The following HELB variants were observed in gnomAD, a reference collection of about 807,000 sequenced individuals.
The protein encoded by HELB is DNA helicase B.
A neutral mutation model predicts 101.7 loss-of-function variants in HELB; 96 were observed. The observed-to-expected ratio is 0.94, with a 90% CI of 0.80 to 1.12. HELB has a LOEUF of 1.12. HELB is among the 50% of genes most tolerant of loss of function. The probability of loss-of-function intolerance (pLI) is 0.00; values close to 1 mark genes in which losing one functional copy is unlikely to be tolerated. For missense variants in HELB, 1,210 were observed against 1,291.9 expected, an observed-to-expected ratio of 0.94 and a Z score of 0.97; for synonymous variants, 437 against 459.7, an observed-to-expected ratio of 0.95 and a Z score of 0.63.
At position 66,306,436 on chromosome 12, in the gene HELB, A is replaced by G; in HGVS notation, c.699A>G (p.Ile233Met). The change falls in exon 3 of 13, where the codon ATA (isoleucine) becomes ATG (methionine). Residue 233 changes from isoleucine (I) to methionine (M), a missense_variant. Around this residue, in one of 2 missense-constraint regions of HELB, gnomAD observed 470 missense variants for 563.1 expected, o/e 0.83. Transcript: ENST00000247815. ...VLLPRHFKWI[I>M]GSGSKEMLKE... is the part of the protein sequence containing the mutation. ...TGCCTCGACACTTTAAATGGATCAT[A>G]GGGTCAGGTTCTAAAGAGATGTTGA... 6.2e-7 allele frequency: 1 copy of G among 1,610,532 alleles called. No individual in the cohort carries two copies. The highest frequency in any genetic ancestry group is 8.5e-7 in the Non-Finnish European group (1 of 1,178,302).
intron 7 of HELB, among the ~76,000 whole-genome samples, chr12:66,319,349 ATCT>A (rs2137002424): frequency 6.6e-6 from 1 of 152,076 alleles, no homozygotes; most frequent in South Asian, 2.1e-4. Context: ...GGGACAGGAA[ATCT>A]TCTCCTTTAT....
chr12:66,315,379 A>T lies in HELB; in HGVS notation c.1996A>T (p.Thr666Ser). 30 of 1,582,178 alleles carry T rather than the reference A, an allele frequency of 1.9e-5. No homozygotes were observed. The highest frequency in any genetic ancestry group is 2.4e-5 in the Non-Finnish European group (28 of 1,167,552). The stretch of plus-strand genomic sequence containing the variant: ...ATCTCAGCTCATTGTGGACAATGCT[A>T]CAAGGTATAATATTACTAAGAGTTT... ...AESQLIVDNA[T>S]RISRRQFPKF... The change falls in exon 6 of 13, where the codon ACA becomes TCA. Residue 666 changes from threonine (T) to serine (S), a missense_variant. Around this residue, in one of 2 missense-constraint regions of HELB, gnomAD observed 740 missense variants for 728.8 expected, o/e 1.02. Coordinates refer to ENST00000247815, the MANE Select transcript of HELB (RefSeq NM_001370285.1).
intron 12 of HELB, among the ~76,000 whole-genome samples, chr12:66,337,402 A>C (rs2053878295): frequency 6.6e-6 from 1 of 152,190 alleles, no homozygotes; most frequent in Admixed American, 6.5e-5. Flanking sequence ...AAAGAGAGGC[A>C]ATTCCAAAGA....
chr12:66,326,965 G>A (rs1162056007), intron 11 of HELB, among the ~76,000 whole-genome samples: 1 of 142,644 alleles, frequency 7.0e-6, no homozygotes, highest in African/African-American at 2.6e-5. Context: ...GATCCTGGGA[G>A]GCAGAGGTTG....
At chr12:66,328,748 T>C (rs1325667818) in intron 11 of HELB, among the ~76,000 whole-genome samples, 2 of 152,226 alleles carry the variant, frequency 1.3e-5, no homozygotes, top group Non-Finnish European at 2.9e-5. Flanking sequence ...GTATAAAATA[T>C]AGAATTTCAA....
chr12:66,340,579 GA>G (rs1400692943), downstream of HELB: 1 of 149,844 alleles, frequency 6.7e-6, no homozygotes, highest in African/African-American at 2.7e-5. Flanking sequence ...GGGTACCCTA[GA>G]GGGATACAAC....
At chr12:66,328,763 G>A (rs1324615164) in intron 11 of HELB, among the ~76,000 whole-genome samples, 4 of 152,106 alleles carry the variant, frequency 2.6e-5, no homozygotes, top group African/African-American at 9.7e-5. Context: ...TTTCAAAGAT[G>A]TAGTCTTTTA....
intron 12 of HELB, among the ~76,000 whole-genome samples, chr12:66,335,445 AG>A: frequency 6.6e-6 from 1 of 152,050 alleles, no homozygotes; most frequent in East Asian, 1.9e-4. Context: ...GCCTGGACTG[AG>A]GGGGCTGGTG....
At chr12:66,313,607 T>C (rs2053567593) in intron 4 of HELB, among the ~76,000 whole-genome samples, 1 of 152,140 alleles carries the variant, frequency 6.6e-6, no homozygotes, top group Admixed American at 6.6e-5. Flanking sequence ...AAAAGTAGTA[T>C]TTTCATAATT....
Position 66,310,101 on chromosome 12 carries a change from C to A in HELB, c.1173C>A (p.Thr391=), listed in dbSNP as rs1463362369. The A allele has an allele frequency of 6.2e-7, 1 of 1,614,056 alleles. No homozygotes were observed. Among genetic ancestry groups the A allele is most frequent in the African/African-American group, 1.3e-5 (1 of 74,904 alleles). The change falls in exon 4 of 13, where the codon ACC becomes ACA. Residue 391 remains threonine, a synonymous_variant. Coordinates refer to ENST00000247815, the MANE Select transcript of HELB (RefSeq NM_001370285.1). ...AAAAGGTGCTTGCCTCTATTCACAC[C>A]ACAAAACCTGAGAATTCAAGCGATG... The part of the protein sequence containing the change: ...DVEKVLASIH[T]TKPENSSDDA...
At chr12:66,332,337 TC>T (rs1298333800) in intron 12 of HELB, among the ~76,000 whole-genome samples, 1 of 152,152 alleles carries the variant, frequency 6.6e-6, no homozygotes, top group East Asian at 1.9e-4. Context: ...AATGTAGCAT[TC>T]CCCCTTTTCC....
At chr12:66,319,880 G>GTT (rs111476292) in intron 7 of HELB, among the ~76,000 whole-genome samples, 2,431 of 149,108 alleles carry the variant, frequency 0.016, 115 homozygotes, top group Admixed American at 0.093. Flanking sequence ...GTGCTTTTTT[G>GTT]GTTTTTTTTG....
intron 4 of HELB, among the ~76,000 whole-genome samples, chr12:66,312,455 A>G (rs747531332): frequency 1.3e-5 from 2 of 152,226 alleles, no homozygotes; most frequent in Non-Finnish European, 2.9e-5. Flanking sequence ...TATTTATCAC[A>G]TGAATGAATG....
In HELB at chr12:66,306,627, A is replaced by G. The variant is rs1438092766; in HGVS notation, c.777+113A>G. 3 of 546,158 alleles carry G rather than the reference A, an allele frequency of 5.5e-6. No individual in the cohort carries two copies. In the African/African-American group the frequency reaches 5.8e-5, roughly 11 times the overall value. 33.8% of individuals were successfully genotyped at this position (546,158 alleles called of 1,614,324 possible). On this transcript the variant is annotated intron_variant, in intron 3 of 12. Transcript: ENST00000247815. The stretch of plus-strand genomic sequence containing the variant: ...AAAATTTGTGTGGACCCCAGTATTG[A>G]TTTATTTTTATTCAAATGTTGCAAC...
chr12:66,341,171 T>G (rs1466192467), downstream of HELB: 2 of 152,282 alleles, frequency 1.3e-5, no homozygotes, highest in Non-Finnish European at 2.9e-5. Context: ...CCCAGGAGCC[T>G]CTGGGAAGCA....
chr12:66,314,551 A>C (rs1362177568), intron 5 of HELB, among the ~76,000 whole-genome samples: 1 of 152,162 alleles, frequency 6.6e-6, no homozygotes, highest in Non-Finnish European at 1.5e-5. Flanking sequence ...AGACCTCACC[A>C]GCCTCTTAAG....
chr12:66,313,200 T>TAGAAAAGAAA (rs1555166348), intron 4 of HELB, among the ~76,000 whole-genome samples: 8 of 151,314 alleles, frequency 5.3e-5, no homozygotes, highest in Non-Finnish European at 8.9e-5. Flanking sequence ...CTAGTTTTAG[T>TAGAAAAGAAA]AGAAAAATTA....
At position 66,307,939 on chromosome 12, in the gene HELB, C is replaced by T. The variant is rs951425857; in HGVS notation, c.777+1425C>T. Among the ~76,000 whole-genome samples, 5 of 150,346 alleles carry T rather than the reference C, an allele frequency of 3.3e-5. No homozygotes were observed. In the Admixed American group the frequency reaches 3.3e-4, roughly 10 times the overall value. On this transcript the variant is annotated intron_variant, in intron 3 of 12. Transcript: ENST00000247815. ...AGGGACAGGGTTTCACCATGTTGGC[C>T]AGGCTGGTATTGAACTCCTGTCCTC...
chr12:66,322,994 A>C (rs556808281), intron 9 of HELB, among the ~76,000 whole-genome samples: 2 of 152,092 alleles, frequency 1.3e-5, no homozygotes, highest in Non-Finnish European at 1.5e-5. Flanking sequence ...AATAAGAAGA[A>C]AAATTAGGAG....
Sources: allele counts gnomAD v4.1 joint callset (sites outside exome capture counted in the v4.1 genomes callset), GRCh38; gene constraint gnomAD v4.1.1; regional missense constraint gnomAD v4.1.1; transcripts MANE v1.5; gene names NCBI Gene and HGNC (gene_info 2026-07-23, HGNC 2026-07-21).